RASEF: variants seen among roughly 807,000 people sequenced by gnomAD.
RASEF encodes the protein RAS and EF-hand domain containing.
A neutral mutation model predicts 90.1 loss-of-function variants in RASEF; 68 were observed. The observed-to-expected ratio is 0.75, with a 90% CI of 0.62 to 0.92. RASEF has a LOEUF of 0.92. RASEF is among the 40% of genes least tolerant of loss of function. RASEF has a pLI of 0.00. For missense variants in RASEF, 949 were observed against 937.2 expected (o/e 1.01, Z -0.16); for synonymous variants, 331 against 345.2 (o/e 0.96, Z 0.46).
chr9:82,982,787 G>T lies in RASEF; in HGVS notation c.2118-5C>A. The T allele has an allele frequency of 1.4e-6, 2 of 1,451,206 alleles. No individual in the cohort carries two copies. The highest frequency in any genetic ancestry group is 1.9e-6 in the Non-Finnish European group (2 of 1,041,350). 89.9% of individuals were successfully genotyped at this position (1,451,206 alleles called of 1,614,324 possible). A position where few individuals can be genotyped will look rare whatever the true frequency, so the allele number is the denominator to read the frequency against. ...TCAGTTCTCTTTTTCACTTCTCTGA[G>T]ACAGAGATAGAGAGAGACAGAGAGA... On this transcript the variant is annotated splice_polypyrimidine_tract_variant and splice_region_variant and intron_variant, in intron 16 of 16. Transcript: ENST00000376447.
At chr9:83,057,327 C>A (rs781650428) in intron 1 of RASEF, among the ~76,000 whole-genome samples, 1 of 152,102 alleles carries the variant, frequency 6.6e-6, no homozygotes, top group Admixed American at 6.5e-5. Context: ...CTTTGATAAA[C>A]GAATTCAGTT....
At chr9:83,063,217 G>C (rs1217882464), upstream of RASEF, 1 of 261,360 alleles carries the variant, frequency 3.8e-6, no homozygotes, top group Non-Finnish European at 7.2e-6. Context: ...GAGGAGGAGC[G>C]CGCGCCACCG....
chr9:83,032,256 T>C (rs902870138), intron 1 of RASEF, among the ~76,000 whole-genome samples: 3 of 152,108 alleles, frequency 2.0e-5, no homozygotes, highest in Non-Finnish European at 4.4e-5. Flanking sequence ...ACAACTCTGT[T>C]TTCTTCTGGG....
intron 16 of RASEF, among the ~76,000 whole-genome samples, chr9:82,985,693 A>T (rs1254087405): frequency 2.0e-5 from 3 of 152,190 alleles, no homozygotes. Flanking sequence ...TAGCCCAGGT[A>T]GGGAATTTTG....
the RASEF span, among the ~76,000 whole-genome samples, chr9:83,131,190 T>G: frequency 6.6e-6 from 1 of 152,160 alleles, no homozygotes; most frequent in East Asian, 1.9e-4. Context: ...ATATTTTCAA[T>G]GAACAAAACA....
At chr9:83,119,073 T>A in the RASEF span, among the ~76,000 whole-genome samples, 1 of 150,506 alleles carries the variant, frequency 6.6e-6, no homozygotes, top group African/African-American at 2.5e-5. Context: ...GGTGGTGTGA[T>A]CTCGGCCCAC....
the RASEF span, among the ~76,000 whole-genome samples, chr9:83,169,831 T>C: frequency 1.3e-5 from 2 of 152,226 alleles, no homozygotes; most frequent in South Asian, 4.1e-4. Context: ...GTTTCTTATA[T>C]ATTCTGGTTA....
chr9:83,005,578 G>T, intron 7 of RASEF, 78 bp from the exon 8 acceptor site: 3 of 1,065,822 alleles, frequency 2.8e-6, no homozygotes, highest in Non-Finnish European at 4.4e-6. Flanking sequence ...TTCTTTTCTA[G>T]CTGTAACATT....
At chr9:83,098,621 T>C in the RASEF span, among the ~76,000 whole-genome samples, 1 of 152,110 alleles carries the variant, frequency 6.6e-6, no homozygotes, top group African/African-American at 2.4e-5. Context: ...CAAGACTGAG[T>C]AATTTAAAAA....
chr9:83,068,775 C>G, the RASEF span, among the ~76,000 whole-genome samples: 1,166 of 152,194 alleles, frequency 7.7e-3, 16 homozygotes, highest in African/African-American at 0.026. Context: ...TAATTGTAAA[C>G]TAATACACAA....
At chr9:83,102,744 G>A in the RASEF span, among the ~76,000 whole-genome samples, 1 of 152,184 alleles carries the variant, frequency 6.6e-6, no homozygotes, top group Admixed American at 6.5e-5. Context: ...ATTTTGCCAG[G>A]CTCTGGGGCA....
the RASEF span, among the ~76,000 whole-genome samples, chr9:83,158,565 T>C: frequency 6.7e-6 from 1 of 148,396 alleles, no homozygotes; most frequent in East Asian, 2.0e-4. Context: ...CATATATACA[T>C]ATATGTATAT....
the RASEF span, among the ~76,000 whole-genome samples, chr9:83,073,275 G>C: frequency 3.3e-5 from 5 of 152,024 alleles, no homozygotes; most frequent in East Asian, 7.8e-4. Flanking sequence ...ATGCATGGTA[G>C]AATAAATACC....
chr9:83,168,936 C>T, the RASEF span, among the ~76,000 whole-genome samples: 1 of 151,832 alleles, frequency 6.6e-6, no homozygotes, highest in Non-Finnish European at 1.5e-5. Flanking sequence ...GATTTTATTC[C>T]TTCTATCTGC....
At chr9:83,007,305 G>T (rs1365214341) in intron 7 of RASEF, 132 bp downstream of exon 7, 9 of 717,764 alleles carry the variant, frequency 1.3e-5, no homozygotes, top group Non-Finnish European at 2.3e-5. Context: ...TGCACACCCT[G>T]AGAAGAAACA....
At position 83,000,192 on chromosome 9, in the gene RASEF, C is replaced by T. The variant is rs759408626; in HGVS notation, c.1700G>A (p.Arg567Gln). Residue 567 changes from arginine (R) to glutamine (Q), a missense_variant, in exon 12 of 17, where the codon CGA becomes CAA. Arg to Gln is a conservative substitution (Grantham distance 43, BLOSUM62 1). Transcript: ENST00000376447. ...FLMRLCKNEF[R>Q]ENISATLGVD... ...ACCCAGGGTGGCGCTTATATTTTCTCGAAATTCATTCTTGCAAAGTCTCAT... is the reference window on the plus strand; with the variant it reads ...ACCCAGGGTGGCGCTTATATTTTCTTGAAATTCATTCTTGCAAAGTCTCAT... The T allele has an allele frequency of 3.8e-5, 62 of 1,613,824 alleles. No homozygotes were observed. Among genetic ancestry groups the T allele is most frequent in the Middle Eastern group, 3.3e-4 (2 of 6,060 alleles).
the RASEF span, among the ~76,000 whole-genome samples, chr9:83,146,575 T>C: frequency 1.8e-3 from 268 of 152,338 alleles, 3 homozygotes; most frequent in Non-Finnish European, 5.7e-4. Flanking sequence ...TGTTCATCTG[T>C]GAACTTGGGT....
chr9:83,049,246 C>A, intron 1 of RASEF: 1 of 860,056 alleles, frequency 1.2e-6, no homozygotes, highest in Non-Finnish European at 1.4e-6. Context: ...CCAACAGCAT[C>A]AGTACATTTC....
intron 14 of RASEF, among the ~76,000 whole-genome samples, chr9:82,993,979 T>A (rs1218688746): frequency 6.6e-6 from 1 of 152,208 alleles, no homozygotes; most frequent in Non-Finnish European, 1.5e-5. Flanking sequence ...AAGTTTCTGG[T>A]TCCTAAATAA....
Sources: gnomAD v4.1 joint callset for allele counts (sites outside exome capture counted in the v4.1 genomes callset) on GRCh38, gnomAD v4.1.1 for gene constraint, MANE v1.5 for transcripts, NCBI Gene and HGNC (gene_info 2026-07-23, HGNC 2026-07-21) for gene names.